The following HAUS5 variants were observed in gnomAD, a reference collection of about 807,000 sequenced individuals.
HAUS5 encodes the protein HAUS augmin like complex subunit 5, also known as HAUS augmin-like complex subunit 5.
A neutral mutation model predicts 94.1 loss-of-function variants in HAUS5; 67 were observed. The ratio of observed to expected loss-of-function variants is 0.71; its 90% confidence interval spans 0.58 to 0.87. The LOEUF (loss-of-function observed/expected upper bound fraction) is 0.87. HAUS5 is among the 40% of genes least tolerant of loss of function. The pLI is 0.00. For missense variants in HAUS5, 739 were observed against 825.6 expected (o/e 0.90, Z 1.29); for synonymous variants, 339 against 355.4 (o/e 0.95, Z 0.52).
intron 17 of HAUS5, among the ~76,000 whole-genome samples, 156 bp downstream of exon 17, chr19:35,620,483 A>G (rs1242736145): frequency 6.6e-6 from 1 of 152,208 alleles, no homozygotes; most frequent in Non-Finnish European, 1.5e-5. Context: ...CGGCAGTCCC[A>G]TAAGGTAAGT....
chr19:35,624,796 C>T lies in HAUS5; in HGVS notation c.*1803C>T, dbSNP rs1484239742. 1 of 152,140 alleles carries T rather than the reference C, an allele frequency of 6.6e-6. No homozygotes were observed. Among genetic ancestry groups the T allele is most frequent in the Non-Finnish European group, 1.5e-5 (1 of 68,028 alleles). 9.4% of individuals were successfully genotyped at this position (152,140 alleles called of 1,614,324 possible). On this transcript the variant is annotated 3_prime_UTR_variant, in exon 19 of 19. Coordinates refer to ENST00000203166, the MANE Select transcript of HAUS5 (RefSeq NM_015302.2). The stretch of plus-strand genomic sequence containing the variant: ...TAAGTGAACATTAGATTTAATTTGG[C>T]TGGCCCCAGAAGAAAAACATGCACA...
intron 17 of HAUS5, among the ~76,000 whole-genome samples, chr19:35,621,282 G>A (rs764295061): frequency 8.5e-5 from 13 of 152,126 alleles, no homozygotes; most frequent in Non-Finnish European, 1.2e-4. Context: ...GACCCCACAC[G>A]GCCTCTGCCC....
In HAUS5 at chr19:35,614,068, C is replaced by T. The variant is rs2071919483; in HGVS notation, c.219+9C>T. 2 of 1,612,076 alleles carry T rather than the reference C, an allele frequency of 1.2e-6. No individual in the cohort carries two copies. The highest frequency in any genetic ancestry group is 2.2e-5 in the South Asian group (2 of 91,058). ...ACCAGGACAGTCCACAGGTGAGAAGCATATGCTACAAGATTCTCTTTCATC... is the reference window on the plus strand; with the variant it reads ...ACCAGGACAGTCCACAGGTGAGAAGTATATGCTACAAGATTCTCTTTCATC... On this transcript the variant is annotated intron_variant, in intron 4 of 18. Coordinates refer to ENST00000203166, the MANE Select transcript of HAUS5 (RefSeq NM_015302.2).
rs200176660 is a variant in HAUS5, at chr19:35,619,039, G to A, written c.1169G>A (p.Arg390His). 50 of 1,590,700 alleles carry A rather than the reference G, an allele frequency of 3.1e-5. 1 individual carries two copies. The highest frequency in any genetic ancestry group is 1.3e-4 in the Admixed American group (7 of 55,940). ...AAACAGCAGCGGATCCTGCACTGGC[G>A]CCAGCTGGTGGTGAGAGGCTAGGCC... is the stretch of plus-strand genomic sequence containing the variant. The part of the protein sequence containing the change: ...QAKQQRILHW[R>H]QLVEETQEQV... The change falls in exon 13 of 19, where the codon CGC (arginine) becomes CAC (histidine). Residue 390 changes from arginine to histidine, a missense_variant. By Grantham distance (29) the Arg-to-His change is conservative (BLOSUM62 0). Coordinates refer to ENST00000203166, the MANE Select transcript of HAUS5 (RefSeq NM_015302.2).
At chr19:35,617,433 T>G (rs2071954341) in intron 8 of HAUS5, 64 bp downstream of exon 8, 2 of 1,064,858 alleles carry the variant, frequency 1.9e-6, no homozygotes, top group East Asian at 4.8e-5. Context: ...GGTCTCTTAT[T>G]TATTAATTCC....
intron 4 of HAUS5, 47 bp from the exon 5 acceptor site, chr19:35,614,995 G>T: frequency 6.9e-7 from 1 of 1,441,654 alleles, no homozygotes; most frequent in Non-Finnish European, 9.5e-7. Flanking sequence ...AGACAGGCCA[G>T]GCTGAGCCCC....
chr19:35,622,670 T>C lies in HAUS5; in HGVS notation c.1721T>C (p.Leu574Pro). The change falls in exon 18 of 19, where the codon CTG (leucine) becomes CCG (proline). Residue 574 changes from leucine to proline, a missense_variant. Coordinates refer to ENST00000203166, the MANE Select transcript of HAUS5 (RefSeq NM_015302.2). ...AACCTGGGGCAGGCTCTGAAGAGGC[T>C]GGAGAAGCTACTGAAACAGGCACTG... Reference protein sequence around the residue: ...KENLGQALKRLEKLLKQALER... With the variant: ...KENLGQALKRPEKLLKQALER... 6.2e-7 allele frequency: 1 copy of C among 1,613,948 alleles called. No homozygotes were observed. The highest frequency in any genetic ancestry group is 8.5e-7 in the Non-Finnish European group (1 of 1,179,966).
chr19:35,618,478 C>T lies in HAUS5; in HGVS notation c.885+13C>T. 2 of 1,614,002 alleles carry T rather than the reference C, an allele frequency of 1.2e-6. No homozygotes were observed. Among genetic ancestry groups the T allele is most frequent in the Non-Finnish European group, 1.7e-6 (2 of 1,179,944 alleles). On this transcript the variant is annotated intron_variant, in intron 11 of 18. Coordinates refer to ENST00000203166, the MANE Select transcript of HAUS5 (RefSeq NM_015302.2). ...TCATCTCATCCAGGTGACCCCAGGG[C>T]TCGCCTCCCCACCACATTCCAAGAC...
chr19:35,618,125 G>A lies in HAUS5; in HGVS notation c.751G>A (p.Ala251Thr), dbSNP rs745595073. ...GHVLAALEHL[A>T]AEREAEIRSL... ...CGTCCTGGCTGCCTTGGAGCACCTG[G>A]CTGCAGAGCGGGAGGCAGAGATTCG... The change falls in exon 10 of 19, where the codon GCT (alanine) becomes ACT (threonine). Residue 251 changes from alanine to threonine, a missense_variant. Physicochemically the swap from Ala to Thr is moderately conservative, Grantham distance 58. Transcript: ENST00000203166. The A allele has an allele frequency of 3.1e-6, 5 of 1,609,876 alleles. No homozygotes were observed. The highest frequency in any genetic ancestry group is 8.5e-7 in the Non-Finnish European group (1 of 1,177,168).
At chr19:35,621,388 G>C (rs1159665105) in intron 17 of HAUS5, among the ~76,000 whole-genome samples, 1 of 152,098 alleles carries the variant, frequency 6.6e-6, no homozygotes, top group Non-Finnish European at 1.5e-5. Flanking sequence ...TGTCACTCAG[G>C]CTGGAGTGCA....
Position 35,618,676 on chromosome 19 carries a change from A to G in HAUS5, c.993A>G (p.Arg331=), listed in dbSNP as rs375491492. Residue 331 remains arginine, a synonymous_variant, in exon 12 of 19, where the codon AGA becomes AGG. Coordinates refer to ENST00000203166, the MANE Select transcript of HAUS5 (RefSeq NM_015302.2). ...AGGGCCTGGTGGAGGAGGTGGAGAGACGCGTCCTGGGATCCAGTGAGAGGT... is the reference window on the plus strand; with the variant it reads ...AGGGCCTGGTGGAGGAGGTGGAGAGGCGCGTCCTGGGATCCAGTGAGAGGT... The part of the protein sequence containing the change: ...RLQGLVEEVE[R]RVLGSSERQV... 4 of 1,601,962 alleles carry G rather than the reference A, an allele frequency of 2.5e-6. No homozygotes were observed. Among genetic ancestry groups the G allele is most frequent in the African/African-American group, 2.7e-5 (2 of 74,632 alleles).
intron 17 of HAUS5, 92 bp downstream of exon 17, chr19:35,620,419 G>C: frequency 8.5e-7 from 1 of 1,181,780 alleles, no homozygotes; most frequent in Admixed American, 2.1e-5. Context: ...CGTTGTTTAC[G>C]CAGTGCCCAT....
At position 35,622,937 on chromosome 19, in the gene HAUS5, C is replaced by T. The variant is rs373279391; in HGVS notation, c.1846C>T (p.Gln616Ter). ...GCTCTGCCAGGGCCTGTCCCTGCCC[C>T]AGTGGCGGCTGCGCTGGGTTCAGGC... ...EELCQGLSLP[Q>*]WRLRWVQAQG... Residue 616 changes from glutamine (Q) to a stop codon, truncating the protein, a stop_gained, in exon 19 of 19, where the codon CAG becomes TAG. Coordinates refer to ENST00000203166, the MANE Select transcript of HAUS5 (RefSeq NM_015302.2). LOFTEE classifies it high-confidence loss of function. 2.5e-6 allele frequency: 4 copies of T among 1,613,672 alleles called. No homozygotes were observed. The highest frequency in any genetic ancestry group is 3.4e-6 in the Non-Finnish European group (4 of 1,179,918).
In HAUS5 at chr19:35,618,665, G is replaced by A. The variant is rs202202430; in HGVS notation, c.982G>A (p.Glu328Lys). The A allele has an allele frequency of 6.9e-6, 11 of 1,605,126 alleles. No individual in the cohort carries two copies. Among genetic ancestry groups the A allele is most frequent in the Non-Finnish European group, 9.4e-6 (11 of 1,173,482 alleles). Residue 328 changes from glutamate (E) to lysine (K), a missense_variant, in exon 12 of 19, where the codon GAG becomes AAG. Glu to Lys is a moderately conservative substitution (Grantham distance 56, BLOSUM62 1). Coordinates refer to ENST00000203166, the MANE Select transcript of HAUS5 (RefSeq NM_015302.2). ...CCAGCGCCTCCAGGGCCTGGTGGAG[G>A]AGGTGGAGAGACGCGTCCTGGGATC... is the stretch of plus-strand genomic sequence containing the variant. Reference protein sequence around the residue: ...LTQRLQGLVEEVERRVLGSSE... With the variant: ...LTQRLQGLVEKVERRVLGSSE...
At chr19:35,612,956 TCCA>T in intron 1 of HAUS5, 64 bp downstream of exon 1, 2 of 1,142,740 alleles carry the variant, frequency 1.8e-6, no homozygotes, top group Non-Finnish European at 2.4e-6. Flanking sequence ...GAGTGAGAAC[TCCA>T]CCCCTCATTG....
At chr19:35,620,357 TC>T in intron 17 of HAUS5, 30 bp downstream of exon 17, 2 of 1,597,554 alleles carry the variant, frequency 1.3e-6, no homozygotes, top group Non-Finnish European at 8.5e-7. Context: ...CCATCCAGCC[TC>T]CCCGCCCATT....
At position 35,614,079 on chromosome 19, in the gene HAUS5, A is replaced by G. The variant is rs916872955; in HGVS notation, c.219+20A>G. The stretch of plus-strand genomic sequence containing the variant: ...CCACAGGTGAGAAGCATATGCTACA[A>G]GATTCTCTTTCATCCGAAAAATGAC... On this transcript the variant is annotated intron_variant, in intron 4 of 18. Transcript: ENST00000203166. 3 of 1,609,808 alleles carry G rather than the reference A, an allele frequency of 1.9e-6. No homozygotes were observed. In the African/African-American group the frequency reaches 4.0e-5, roughly 22 times the overall value.
chr19:35,613,053 G>A (rs2071909479), intron 1 of HAUS5, among the ~76,000 whole-genome samples, 161 bp downstream of exon 1: 1 of 152,118 alleles, frequency 6.6e-6, no homozygotes, highest in African/African-American at 2.4e-5. Flanking sequence ...CCAGAGTGAG[G>A]TCCCTAGCAC....
Position 35,623,942 on chromosome 19 carries a change from T to C in HAUS5, c.*949T>C, listed in dbSNP as rs1245425722. On this transcript the variant is annotated 3_prime_UTR_variant, in exon 19 of 19. Coordinates refer to ENST00000203166, the MANE Select transcript of HAUS5 (RefSeq NM_015302.2). ...TTATAAAGCAAAGCCCTTACACTTTTGAGATGCCACCTTTTTATGCACTAA... is the reference window on the plus strand; with the variant it reads ...TTATAAAGCAAAGCCCTTACACTTTCGAGATGCCACCTTTTTATGCACTAA... 2 of 152,200 alleles carry C rather than the reference T, an allele frequency of 1.3e-5. No homozygotes were observed. The highest frequency in any genetic ancestry group is 2.9e-5 in the Non-Finnish European group (2 of 68,036). The allele number at this position is 152,200 out of a possible 1,614,324, so 9.4% of individuals were successfully genotyped here.
Sources: allele counts gnomAD v4.1 joint callset (sites outside exome capture counted in the v4.1 genomes callset), GRCh38; gene constraint gnomAD v4.1.1; transcripts MANE v1.5; gene names NCBI Gene and HGNC (gene_info 2026-07-23, HGNC 2026-07-21).